FGD4: variants seen among roughly 807,000 people sequenced by gnomAD.
The protein encoded by FGD4 is FYVE, RhoGEF and PH domain-containing protein 4.
A neutral mutation model predicts 102.0 loss-of-function variants in FGD4; 42 were observed. The ratio of observed to expected loss-of-function variants is 0.41; its 90% confidence interval spans 0.32 to 0.53. The LOEUF (loss-of-function observed/expected upper bound fraction) is 0.53, where lower values mean the gene tolerates loss of function less well. Ranked by LOEUF, FGD4 falls within the 20% of genes least tolerant of loss-of-function variation. FGD4 has a pLI of 0.21. For synonymous variants in FGD4, 380 were observed against 375.7 expected, an observed-to-expected ratio of 1.01 and a Z score of -0.13; for missense variants, 902 against 1,078.2, an observed-to-expected ratio of 0.84 and a Z score of 2.29.
intron 10 of FGD4, among the ~76,000 whole-genome samples, chr12:32,614,391 A>C (rs1949324710): frequency 6.6e-6 from 1 of 152,242 alleles, no homozygotes; most frequent in Admixed American, 6.5e-5. Flanking sequence ...GTCCAGTCAA[A>C]GCAAAAGAGG....
intron 8 of FGD4, among the ~76,000 whole-genome samples, chr12:32,608,689 C>T (rs965277080): frequency 3.3e-5 from 5 of 152,056 alleles, no homozygotes; most frequent in Non-Finnish European, 5.9e-5. Flanking sequence ...CCTTTTTCTG[C>T]ACTTTTACAA....
chr12:32,509,063 C>A lies in FGD4; in HGVS notation c.167-55074C>A, dbSNP rs576762987. 3.3e-5 allele frequency among the ~76,000 whole-genome samples: 5 copies of A among 152,316 alleles called. No homozygotes were observed. The Middle Eastern group carries it at 0.01, about 311-fold the overall frequency. On this transcript the variant is annotated intron_variant, in intron 1 of 16. Coordinates refer to ENST00000534526, the MANE Select transcript of FGD4 (RefSeq NM_001370298.3). ...TATGTCAGAGACTGCAAAGTATATT[C>A]ATCATCCATCTAATCTTTAACTAAT...
At chr12:32,551,297 C>T (rs1943651542) in intron 1 of FGD4, among the ~76,000 whole-genome samples, 4 of 152,122 alleles carry the variant, frequency 2.6e-5, no homozygotes, top group Admixed American at 2.6e-4. Flanking sequence ...GCTCCCCTGG[C>T]ATCATGCAGC....
At chr12:32,612,002 A>G (rs10844255) in intron 10 of FGD4, among the ~76,000 whole-genome samples, 62,691 of 152,144 alleles carry the variant, frequency 0.41, 13,324 homozygotes, top group Middle Eastern at 0.63. Flanking sequence ...GCAAATTTGG[A>G]GCCAAGCCTA....
In FGD4 at chr12:32,399,561, G is replaced by A. The variant is rs956213055; in HGVS notation, c.-233G>A. The A allele has an allele frequency of 8.5e-6, 9 of 1,061,852 alleles. No homozygotes were observed. In the African/African-American group the frequency reaches 1.4e-4, roughly 16 times the overall value. 65.8% of individuals were successfully genotyped at this position (1,061,852 alleles called of 1,614,324 possible). On this transcript the variant is annotated 5_prime_UTR_variant, in exon 1 of 17. Coordinates refer to ENST00000534526, the MANE Select transcript of FGD4 (RefSeq NM_001370298.3). ...GCTTTGAGTGAGTGCGGGAGCTGCA[G>A]ATACCGAGACGCTGCGACTGCCGCA...
chr12:32,463,785 T>G (rs1270382056), intron 1 of FGD4, among the ~76,000 whole-genome samples: 1 of 152,228 alleles, frequency 6.6e-6, no homozygotes, highest in Non-Finnish European at 1.5e-5. Context: ...CACTGCCCAC[T>G]TCTTTGAAGA....
At chr12:32,591,648 T>C (rs1382111941) in intron 4 of FGD4, among the ~76,000 whole-genome samples, 3 of 152,218 alleles carry the variant, frequency 2.0e-5, no homozygotes, top group African/African-American at 7.2e-5. Flanking sequence ...ATGAACTCTG[T>C]GAGCTGCAGT....
At chr12:32,502,465 T>G in intron 1 of FGD4, 5 of 433,774 alleles carry the variant, frequency 1.2e-5, no homozygotes, top group Non-Finnish European at 1.5e-5. Flanking sequence ...TACACTTCTC[T>G]TGTATTGATT....
intron 1 of FGD4, among the ~76,000 whole-genome samples, chr12:32,519,340 G>C (rs1345531933): frequency 6.6e-6 from 1 of 152,144 alleles, no homozygotes; most frequent in Non-Finnish European, 1.5e-5. Context: ...GTACACTATA[G>C]ACAGAGCATT....
At chr12:32,563,342 G>A (rs1170574315) in intron 1 of FGD4, among the ~76,000 whole-genome samples, 4 of 151,206 alleles carry the variant, frequency 2.6e-5, no homozygotes, top group African/African-American at 9.7e-5. Flanking sequence ...CCGGGCAGGG[G>A]CGCTCCTCAC....
intron 1 of FGD4, among the ~76,000 whole-genome samples, chr12:32,419,784 C>T (rs1287684968): frequency 1.3e-5 from 2 of 151,976 alleles, no homozygotes; most frequent in African/African-American, 4.8e-5. Flanking sequence ...AAGGCCAGTC[C>T]AAATGCTCCT....
At chr12:32,464,618 T>C (rs1317882725) in intron 1 of FGD4, among the ~76,000 whole-genome samples, 3 of 152,218 alleles carry the variant, frequency 2.0e-5, no homozygotes, top group Non-Finnish European at 4.4e-5. Flanking sequence ...TATTGAGAGC[T>C]TCTATGTACT....
chr12:32,460,249 C>T (rs955902470), intron 1 of FGD4, among the ~76,000 whole-genome samples: 1 of 152,090 alleles, frequency 6.6e-6, no homozygotes, highest in African/African-American at 2.4e-5. Context: ...TGGTGGCTCA[C>T]GCCTGTAATC....
At chr12:32,565,232 G>T (rs1450190365) in intron 2 of FGD4, among the ~76,000 whole-genome samples, 1 of 152,136 alleles carries the variant, frequency 6.6e-6, no homozygotes, top group Non-Finnish European at 1.5e-5. Context: ...GAAAATTTTA[G>T]AACGAGTTTA....
At chr12:32,487,859 C>T (rs1943959143) in intron 1 of FGD4, among the ~76,000 whole-genome samples, 1 of 152,302 alleles carries the variant, frequency 6.6e-6, no homozygotes, top group African/African-American at 2.4e-5. Flanking sequence ...TTCCACCACA[C>T]CCGCATTAGC....
intron 1 of FGD4, among the ~76,000 whole-genome samples, chr12:32,511,524 G>T (rs1352889132): frequency 1.3e-5 from 2 of 151,994 alleles, no homozygotes; most frequent in African/African-American, 4.8e-5. Context: ...GGATGGTCTT[G>T]ATCTCCTGAC....
At chr12:32,621,031 A>C (rs930545109) in intron 11 of FGD4, among the ~76,000 whole-genome samples, 18 of 152,094 alleles carry the variant, frequency 1.2e-4, no homozygotes, top group African/African-American at 3.4e-4. Flanking sequence ...CTCACGCATG[A>C]ACCCCTGGAA....
chr12:32,465,031 A>G (rs1216155725), intron 1 of FGD4, among the ~76,000 whole-genome samples: 1 of 152,160 alleles, frequency 6.6e-6, no homozygotes, highest in Non-Finnish European at 1.5e-5. Flanking sequence ...AGTAGTGGCT[A>G]TAGGCTAGGA....
intron 4 of FGD4, among the ~76,000 whole-genome samples, chr12:32,593,429 C>G (rs1369012828): frequency 6.6e-6 from 1 of 152,136 alleles, no homozygotes; most frequent in Non-Finnish European, 1.5e-5. Context: ...TTTTGCTTAT[C>G]CTTGTGTTGG....
Sources: gnomAD v4.1 joint callset for allele counts (sites outside exome capture counted in the v4.1 genomes callset) on GRCh38, gnomAD v4.1.1 for gene constraint, MANE v1.5 for transcripts, NCBI Gene and HGNC (gene_info 2026-07-23, HGNC 2026-07-21) for gene names.